The following SULF1 variants were observed in gnomAD, a reference collection of about 807,000 sequenced individuals.
SULF1 encodes sulfatase 1.
SULF1 carries 46 observed loss-of-function variants against 110.5 expected under a neutral mutation model. The observed-to-expected ratio is 0.42, with a 90% CI of 0.33 to 0.53. SULF1 has a LOEUF of 0.53. Among genes scored for constraint, SULF1 ranks in the 20% least tolerant of loss-of-function variants. The pLI is 0.12. For missense variants in SULF1, 941 were observed against 1,094.2 expected (o/e 0.86, Z 1.98); for synonymous variants, 371 against 387.1 (o/e 0.96, Z 0.49).
At chr8:69,519,791 G>C (rs922291350) in intron 3 of SULF1, among the ~76,000 whole-genome samples, 7 of 152,186 alleles carry the variant, frequency 4.6e-5, no homozygotes, top group Non-Finnish European at 1.0e-4. Flanking sequence ...AATTTAAATA[G>C]CAAGATGCAT....
rs765486147 is a variant in SULF1, at chr8:69,604,860, G to A, written c.1305G>A (p.Leu435=). The part of the protein sequence containing the change: ...SSKNIQQSNH[L]PKYERVKELC... The stretch of plus-strand genomic sequence containing the variant: ...AGAATATCCAACAGTCAAATCACTT[G>A]CCCAAATATGAACGGGTCAAAGAAC... The change falls in exon 13 of 23, where the codon TTG becomes TTA. Residue 435 remains leucine (L), a synonymous_variant. Coordinates refer to ENST00000402687, the MANE Select transcript of SULF1 (RefSeq NM_001128205.2). 5.0e-6 allele frequency: 8 copies of A among 1,614,056 alleles called. No individual in the cohort carries two copies. The highest frequency in any genetic ancestry group is 2.2e-5 in the South Asian group (2 of 91,084).
chr8:69,619,900 C>T (rs541879812), intron 13 of SULF1, among the ~76,000 whole-genome samples: 125 of 152,272 alleles, frequency 8.2e-4, no homozygotes, highest in African/African-American at 2.6e-3. Flanking sequence ...TTAGCCTTGC[C>T]GTCTGCAGAC....
chr8:69,648,987 A>G (rs1812133095), intron 22 of SULF1, among the ~76,000 whole-genome samples: 1 of 152,182 alleles, frequency 6.6e-6, no homozygotes, highest in Non-Finnish European at 1.5e-5. Context: ...AATTATCTGT[A>G]ATGTGAAATC....
chr8:69,570,141 C>T (rs1283654175), intron 5 of SULF1, among the ~76,000 whole-genome samples: 3 of 152,090 alleles, frequency 2.0e-5, no homozygotes, highest in East Asian at 1.9e-4. Context: ...AGAATGACAT[C>T]GACAAACACC....
chr8:69,492,101 T>A (rs557674111), upstream of SULF1, among the ~76,000 whole-genome samples: 16 of 152,126 alleles, frequency 1.1e-4, no homozygotes, highest in South Asian at 3.3e-3. Flanking sequence ...ACAGAAATTG[T>A]GGGCTTTGAG....
At position 69,603,580 on chromosome 8, in the gene SULF1, T is replaced by C. The variant is rs779499717; in HGVS notation, c.1191-20T>C. ...AAAACGTCCAGATGCCAAAAGTAAA[T>C]ATTATCATTTTGCTTTCAGGTTTCG... On this transcript the variant is annotated intron_variant, in intron 11 of 22. Coordinates refer to ENST00000402687, the MANE Select transcript of SULF1 (RefSeq NM_001128205.2). 9 of 1,602,780 alleles carry C rather than the reference T, an allele frequency of 5.6e-6. No homozygotes were observed. The South Asian group carries it at 8.8e-5, about 16-fold the overall frequency.
chr8:69,486,021 T>C (rs1042481613), intron 1 of SULF1, among the ~76,000 whole-genome samples: 31 of 152,200 alleles, frequency 2.0e-4, no homozygotes, highest in Non-Finnish European at 4.1e-4. Context: ...TCTTTTTGGG[T>C]CCCTGTTGTT....
intron 5 of SULF1, among the ~76,000 whole-genome samples, chr8:69,575,629 A>G (rs1053725759): frequency 1.6e-4 from 24 of 152,136 alleles, no homozygotes; most frequent in African/African-American, 5.8e-4. Flanking sequence ...TGCTCTGTGT[A>G]TCAGGCTATT....
At chr8:69,601,187 C>CA (rs2130390408) in intron 9 of SULF1, among the ~76,000 whole-genome samples, 1 of 152,250 alleles carries the variant, frequency 6.6e-6, no homozygotes, top group East Asian at 1.9e-4. Context: ...GCCAGAAACA[C>CA]AAAAAATTTT....
At chr8:69,560,815 C>G (rs1244074362) in intron 3 of SULF1, among the ~76,000 whole-genome samples, 1 of 152,130 alleles carries the variant, frequency 6.6e-6, no homozygotes, top group Non-Finnish European at 1.5e-5. Flanking sequence ...AAAGAATTGT[C>G]TGTGTGCAGT....
intron 3 of SULF1, among the ~76,000 whole-genome samples, chr8:69,543,291 T>C (rs1813990043): frequency 6.6e-6 from 1 of 152,100 alleles, no homozygotes; most frequent in South Asian, 2.1e-4. Context: ...ACCTGTGCCA[T>C]GGTGGTTTGC....
rs1271384771 is a variant in SULF1 at position 69,631,326 on chromosome 8, C to A, written c.2284+1647C>A. Among the ~76,000 whole-genome samples, 4 of 152,320 alleles carry A rather than the reference C, an allele frequency of 2.6e-5. No homozygotes were observed. The East Asian group carries it at 7.7e-4, about 29-fold the overall frequency. The stretch of plus-strand genomic sequence containing the variant: ...TGAGGCCATCCTGCTCAAGCCACCA[C>A]CATTTCTTACCTCGGCCACTGCCAG... On this transcript the variant is annotated intron_variant, in intron 19 of 22. Transcript: ENST00000402687.
chr8:69,584,732 T>A (rs1340169392), intron 6 of SULF1, among the ~76,000 whole-genome samples: 1 of 152,184 alleles, frequency 6.6e-6, no homozygotes, highest in Non-Finnish European at 1.5e-5. Context: ...GAATAACTCA[T>A]AGGATTGATT....
At chr8:69,603,932 G>A (rs907904822) in intron 12 of SULF1, among the ~76,000 whole-genome samples, 11 of 152,124 alleles carry the variant, frequency 7.2e-5, no homozygotes, top group African/African-American at 1.4e-4. Flanking sequence ...GGACATTATC[G>A]TTAACAATAA....
chr8:69,630,908 G>T (rs1810472874), intron 19 of SULF1, among the ~76,000 whole-genome samples: 1 of 152,012 alleles, frequency 6.6e-6, no homozygotes, highest in African/African-American at 2.4e-5. Context: ...ATGCTGGTGT[G>T]CTGCACCCAT....
chr8:69,613,839 CA>C (rs1387529367), intron 13 of SULF1, among the ~76,000 whole-genome samples: 1 of 152,026 alleles, frequency 6.6e-6, no homozygotes, highest in African/African-American at 2.4e-5. Flanking sequence ...TCAAAACACT[CA>C]AACAATCTAT....
At chr8:69,647,164 C>T (rs866366421) in intron 22 of SULF1, among the ~76,000 whole-genome samples, 7 of 151,440 alleles carry the variant, frequency 4.6e-5, no homozygotes, top group African/African-American at 7.3e-5. Context: ...AGGCTGGTCT[C>T]GAACTCCTGC....
intron 19 of SULF1, among the ~76,000 whole-genome samples, chr8:69,634,848 C>T (rs754457425): frequency 6.6e-6 from 1 of 152,184 alleles, no homozygotes; most frequent in Non-Finnish European, 1.5e-5. Context: ...ACTCTTGACC[C>T]CCAGGCTGGA....
At chr8:69,471,256 A>G (rs1352927851) in intron 1 of SULF1, among the ~76,000 whole-genome samples, 1 of 152,196 alleles carries the variant, frequency 6.6e-6, no homozygotes, top group African/African-American at 2.4e-5. Context: ...GTCCACTTTA[A>G]TGACCCACAG....
Sources: gnomAD v4.1 joint callset for allele counts (sites outside exome capture counted in the v4.1 genomes callset) on GRCh38, gnomAD v4.1.1 for gene constraint, MANE v1.5 for transcripts, NCBI Gene and HGNC (gene_info 2026-07-23, HGNC 2026-07-21) for gene names.